GRK3: variants seen among roughly 807,000 people sequenced by gnomAD.
GRK3 encodes the protein G protein-coupled receptor kinase 3, also known as adrenergic, beta, receptor kinase 2.
Under a neutral mutation model 95.7 loss-of-function variants are expected in GRK3, and 54 were observed. That is an observed-to-expected ratio of 0.56 (90% CI 0.45 to 0.71). The LOEUF is 0.71. Among genes scored for constraint, GRK3 ranks in the 30% least tolerant of loss-of-function variants. The pLI is 0.00. For synonymous variants in GRK3, 281 were observed against 290.8 expected (o/e 0.97, Z 0.34); for missense variants, 649 against 851.2 (o/e 0.76, Z 2.96).
intron 11 of GRK3, among the ~76,000 whole-genome samples, chr22:25,687,973 A>C (rs1361265736): frequency 1.3e-5 from 2 of 152,216 alleles, no homozygotes; most frequent in Non-Finnish European, 2.9e-5. Flanking sequence ...GCGGTGGCTC[A>C]TGCCTGTAAT....
At chr22:25,603,477 T>A (rs2084423273) in intron 1 of GRK3, among the ~76,000 whole-genome samples, 1 of 152,376 alleles carries the variant, frequency 6.6e-6, no homozygotes. Flanking sequence ...TTCTGCACTG[T>A]CTTCCATTTC....
intron 17 of GRK3, 52 bp from the exon 18 acceptor site, chr22:25,714,356 A>G: frequency 3.2e-6 from 5 of 1,543,892 alleles, no homozygotes; most frequent in Non-Finnish European, 4.4e-6. Context: ...GCGGACTCTT[A>G]CCTTTGTAAG....
At chr22:25,600,242 G>A (rs1195742503) in intron 1 of GRK3, among the ~76,000 whole-genome samples, 1 of 151,676 alleles carries the variant, frequency 6.6e-6, no homozygotes, top group East Asian at 1.9e-4. Context: ...CGCCTCCCAG[G>A]TTCAAATGAT....
intron 3 of GRK3, among the ~76,000 whole-genome samples, chr22:25,654,767 T>C (rs1279945593): frequency 2.0e-5 from 3 of 152,212 alleles, no homozygotes. Flanking sequence ...TAAGTACTTA[T>C]TGCAGATATG....
intron 3 of GRK3, among the ~76,000 whole-genome samples, chr22:25,661,305 T>C (rs368529178): frequency 1.3e-5 from 2 of 152,194 alleles, no homozygotes; most frequent in Admixed American, 6.5e-5. Flanking sequence ...ATTGTAACCA[T>C]GGCAGTGTGT....
chr22:25,660,856 T>C (rs1023865717), intron 3 of GRK3, among the ~76,000 whole-genome samples: 2 of 152,258 alleles, frequency 1.3e-5, no homozygotes, highest in African/African-American at 2.4e-5. Flanking sequence ...CCTTCTGTTA[T>C]CAGGTTAGAG....
At chr22:25,660,768 T>C (rs1348326035) in intron 3 of GRK3, among the ~76,000 whole-genome samples, 2 of 152,234 alleles carry the variant, frequency 1.3e-5, no homozygotes, top group African/African-American at 4.8e-5. Context: ...ATATTTCATG[T>C]ATGTTTTCAT....
intron 3 of GRK3, among the ~76,000 whole-genome samples, chr22:25,653,541 A>G (rs1024753994): frequency 2.0e-5 from 3 of 152,244 alleles, no homozygotes; most frequent in African/African-American, 4.8e-5. Flanking sequence ...TGACAAATCT[A>G]TAATCCTGTT....
chr22:25,702,960 G>A (rs184255984), intron 13 of GRK3: 253 of 450,934 alleles, frequency 5.6e-4, no homozygotes, highest in African/African-American at 4.3e-3. Context: ...AACAGGAAGC[G>A]CTCAGAGCTG....
In GRK3 at chr22:25,648,257, C is replaced by T. The variant is rs950867837; in HGVS notation, c.264+3592C>T. On this transcript the variant is annotated intron_variant, in intron 3 of 20. Transcript: ENST00000324198. ...AACACCACAAAATTAGGAAACTTGACAATGGTAGATACTATATCACAACCA... is the reference window on the plus strand; with the variant it reads ...AACACCACAAAATTAGGAAACTTGATAATGGTAGATACTATATCACAACCA... 5 of 806,954 alleles carry T rather than the reference C, an allele frequency of 6.2e-6. No individual in the cohort carries two copies. In the African/African-American group the frequency reaches 8.4e-5, roughly 14 times the overall value. The allele number at this position is 806,954 out of a possible 1,614,324, so 50.0% of individuals were successfully genotyped here.
At chr22:25,602,888 A>G (rs930579125) in intron 1 of GRK3, among the ~76,000 whole-genome samples, 4 of 152,156 alleles carry the variant, frequency 2.6e-5, no homozygotes, top group African/African-American at 9.7e-5. Flanking sequence ...ATAGGTGTAT[A>G]TGTTTGTCAA....
chr22:25,652,124 A>T (rs1661137635), intron 3 of GRK3, among the ~76,000 whole-genome samples: 1 of 152,178 alleles, frequency 6.6e-6, no homozygotes. Context: ...TACTAAAGGG[A>T]GGTACTTTAG....
At chr22:25,667,632 G>A (rs1212917468) in intron 5 of GRK3, 107 bp from the exon 6 acceptor site, 1 of 711,784 alleles carries the variant, frequency 1.4e-6, no homozygotes, top group African/African-American at 1.8e-5. Flanking sequence ...ACAATGCTAT[G>A]GGGAGTGCAT....
intron 1 of GRK3, among the ~76,000 whole-genome samples, chr22:25,602,784 A>G (rs141751532): frequency 9.8e-5 from 15 of 152,338 alleles, no homozygotes; most frequent in African/African-American, 3.6e-4. Context: ...AAGCAGGTCA[A>G]TAGTTGCCTG....
chr22:25,638,283 C>T (rs1009291045), intron 2 of GRK3, among the ~76,000 whole-genome samples: 1 of 152,168 alleles, frequency 6.6e-6, no homozygotes, highest in Non-Finnish European at 1.5e-5. Context: ...GTAAAGTTAA[C>T]AATATTTAAA....
intron 3 of GRK3, among the ~76,000 whole-genome samples, chr22:25,645,809 T>C (rs1033498327): frequency 1.3e-5 from 2 of 151,724 alleles, no homozygotes; most frequent in African/African-American, 2.4e-5. Flanking sequence ...TAGTCCCAGC[T>C]ACTCGGGAGG....
chr22:25,626,339 A>C (rs931164850), intron 2 of GRK3, among the ~76,000 whole-genome samples: 2 of 152,194 alleles, frequency 1.3e-5, no homozygotes, highest in Non-Finnish European at 2.9e-5. Context: ...TAGGATGAAT[A>C]TCTGTGGAAA....
Position 25,626,565 on chromosome 22 carries a change from A to G in GRK3, c.191-18027A>G, listed in dbSNP as rs188257231. ...TGAACTCTCACTAGAGGTATTCACAACTTACCAGATGACTTTAAAAAAATA... is the reference window on the plus strand; with the variant it reads ...TGAACTCTCACTAGAGGTATTCACAGCTTACCAGATGACTTTAAAAAAATA... On this transcript the variant is annotated intron_variant, in intron 2 of 20. Coordinates refer to ENST00000324198, the MANE Select transcript of GRK3 (RefSeq NM_005160.4). Among the ~76,000 whole-genome samples, 114 of 152,348 alleles carry G rather than the reference A, an allele frequency of 7.5e-4. 1 individual carries two copies. The East Asian group carries it at 0.02, about 27-fold the overall frequency.
At chr22:25,565,722 A>T (rs898962279) in intron 1 of GRK3, among the ~76,000 whole-genome samples, 48 of 152,134 alleles carry the variant, frequency 3.2e-4, no homozygotes, top group African/African-American at 1.1e-3. Flanking sequence ...AAGTCTATTA[A>T]GTCTAGTCAC....
Sources: allele counts gnomAD v4.1 joint callset (sites outside exome capture counted in the v4.1 genomes callset), GRCh38; gene constraint gnomAD v4.1.1; transcripts MANE v1.5; gene names NCBI Gene and HGNC (gene_info 2026-07-23, HGNC 2026-07-21).